THBS3: variants seen among roughly 807,000 people sequenced by gnomAD.
The protein encoded by THBS3 is thrombospondin 3.
A neutral mutation model predicts 118.3 loss-of-function variants in THBS3; 78 were observed. The ratio of observed to expected loss-of-function variants is 0.66; its 90% CI spans 0.55 to 0.80. The LOEUF is 0.80. THBS3 is among the 30% of genes least tolerant of loss of function. The pLI, the probability that THBS3 is intolerant of heterozygous loss-of-function variation, is 0.00. For missense variants in THBS3, 1,057 were observed against 1,247.4 expected (o/e 0.85, Z 2.30); for synonymous variants, 427 against 475.3 (o/e 0.90, Z 1.32).
In THBS3 at chr1:155,203,085, C is replaced by T; in HGVS notation, c.808+1G>A. 6.2e-7 allele frequency: 1 copy of T among 1,614,206 alleles called. No homozygotes were observed. The highest frequency in any genetic ancestry group is 1.1e-5 in the South Asian group (1 of 91,084). On this transcript the variant is annotated splice_donor_variant, in intron 7 of 22. Coordinates refer to ENST00000368378, the MANE Select transcript of THBS3 (RefSeq NM_007112.5). LOFTEE classifies it high-confidence loss of function. The stretch of plus-strand genomic sequence containing the variant: ...GGAGCCTCCCCTGCTCTCCCACTCA[C>T]CGCACACCTGACACTCCATAATGGT...
chr1:155,197,825 G>A lies in THBS3; in HGVS notation c.2302+55C>T. 6.2e-7 allele frequency: 1 copy of A among 1,611,274 alleles called. No homozygotes were observed. The highest frequency in any genetic ancestry group is 8.5e-7 in the Non-Finnish European group (1 of 1,177,688). ...CTGTCTGTTTCCTCCCCTACCCTCTGCCCCTATAGGATTCCTCCATTTGGA... is the reference window on the plus strand; with the variant it reads ...CTGTCTGTTTCCTCCCCTACCCTCTACCCCTATAGGATTCCTCCATTTGGA... On this transcript the variant is annotated intron_variant, in intron 19 of 22. Transcript: ENST00000368378. This position sits in a 1 kb window ranked among gnomAD's most constrained non-coding sequence, Gnocchi z 5.0.
rs990165076 is a variant in THBS3 at position 155,197,371 on chromosome 1, G to C, written c.2499+92C>G. ...TCCAAGCCAGATGTCTGGGTAAGAGGGTTCCCAGTCAAGCAGTGGGGGAGG... is the reference window on the plus strand; with the variant it reads ...TCCAAGCCAGATGTCTGGGTAAGAGCGTTCCCAGTCAAGCAGTGGGGGAGG... On this transcript the variant is annotated intron_variant, in intron 20 of 22. Transcript: ENST00000368378. This position sits in a 1 kb window ranked among gnomAD's most constrained non-coding sequence, Gnocchi z 5.0. 2.0e-6 allele frequency: 3 copies of C among 1,537,648 alleles called. No individual in the cohort carries two copies. Among genetic ancestry groups the C allele is most frequent in the African/African-American group, 2.7e-5 (2 of 73,346 alleles).
At position 155,205,172 on chromosome 1, in the gene THBS3, T is replaced by A. The variant is rs753955880; in HGVS notation, c.431A>T (p.Asp144Val). Reference sequence around the variant, plus strand: ...TGCATGTTGGTCACCCAGTTTGCAGTCCACGTAGAGATGTAGGGCAGGGCT... The same window carrying A: ...TGCATGTTGGTCACCCAGTTTGCAGACCACGTAGAGATGTAGGGCAGGGCT... ...RPSPALHLYV[D>V]CKLGDQHAGL... Residue 144 changes from aspartate (D) to valine (V), a missense_variant, in exon 3 of 23, where the codon GAC (aspartate) becomes GTC (valine). Transcript: ENST00000368378. The A allele has an allele frequency of 1.2e-6, 2 of 1,614,180 alleles. No homozygotes were observed. Among genetic ancestry groups the A allele is most frequent in the Non-Finnish European group, 1.7e-6 (2 of 1,180,034 alleles).
rs759137845 is a variant in THBS3 at position 155,202,946 on chromosome 1, G to A, written c.823C>T (p.Arg275Cys). Residue 275 changes from arginine (R) to cysteine (C), a missense_variant, in exon 8 of 23, where the codon CGT becomes TGT. Arg to Cys is a radical substitution (Grantham distance 180). Around this residue, in one of 3 missense-constraint regions of THBS3, gnomAD observed 544 missense variants for 715.6 expected, o/e 0.76. Coordinates refer to ENST00000368378, the MANE Select transcript of THBS3 (RefSeq NM_007112.5). This position sits in a 1 kb window ranked among gnomAD's most constrained non-coding sequence, Gnocchi z 5.5. ...CAGGGATTGGGGCTGCAGTGGGAAC[G>A]CTGCTCATGGAAGCCTGAGGGGTGG... is the stretch of plus-strand genomic sequence containing the variant. ...ECQVCGFHEQ[R>C]SHCSPNPCFR... is the part of the protein sequence containing the mutation. 38 of 1,613,850 alleles carry A rather than the reference G, an allele frequency of 2.4e-5. No homozygotes were observed. The highest frequency in any genetic ancestry group is 3.0e-5 in the Non-Finnish European group (35 of 1,179,996).
intron 16 of THBS3, 57 bp from the exon 17 acceptor site, chr1:155,198,659 T>G: frequency 6.5e-7 from 1 of 1,544,184 alleles, no homozygotes; most frequent in Non-Finnish European, 8.8e-7. Context: ...TGTCCTTCCC[T>G]TCGCTTCTGC....
At position 155,205,247 on chromosome 1, in the gene THBS3, T is replaced by A; in HGVS notation, c.356A>T (p.Asp119Val). The stretch of plus-strand genomic sequence containing the variant: ...CAGGAGAACTGTGTGTGTGCGCCCA[T>A]CAGCCAGGCCCGCTTGCTGTAGGTT... The part of the protein sequence containing the change: ...AVNLQQAGLA[D>V]GRTHTVLLRL... Residue 119 changes from aspartate to valine, a missense_variant, in exon 3 of 23, where the codon GAT becomes GTT. Transcript: ENST00000368378. The A allele has an allele frequency of 6.2e-7, 1 of 1,614,114 alleles. No individual in the cohort carries two copies. Among genetic ancestry groups the A allele is most frequent in the South Asian group, 1.1e-5 (1 of 91,090 alleles).
chr1:155,200,483 C>T lies in THBS3; in HGVS notation c.1676G>A (p.Gly559Glu). ...DQKDTDGNGE[G>E]DACDNDVDGD... Reference sequence around the variant, plus strand: ...ATCCACGTCGTTGTCACAGGCATCTCCTTCCCCATTGCCATCTGTGTCCTT... The same window carrying T: ...ATCCACGTCGTTGTCACAGGCATCTTCTTCCCCATTGCCATCTGTGTCCTT... Residue 559 changes from glycine (G) to glutamate (E), a missense_variant, in exon 14 of 23, where the codon GGA becomes GAA. Coordinates refer to ENST00000368378, the MANE Select transcript of THBS3 (RefSeq NM_007112.5). 6.2e-7 allele frequency: 1 copy of T among 1,614,200 alleles called. No homozygotes were observed.
chr1:155,205,127 G>A lies in THBS3; in HGVS notation c.476C>T (p.Pro159Leu), dbSNP rs775997960. ...DQHAGLPALA[P>L]IPPAEVDGLE... ...CCCATCGACCTCCGCTGGAGGAATG[G>A]GGGCCAGTGCTGGAAGGCCTGCATG... The change falls in exon 3 of 23, where the codon CCC (proline) becomes CTC (leucine). Residue 159 changes from proline (P) to leucine (L), a missense_variant. Physicochemically the swap from Pro to Leu is moderately conservative, Grantham distance 98 (BLOSUM62 -3). Transcript: ENST00000368378. The A allele has an allele frequency of 5.6e-6, 9 of 1,614,196 alleles. No homozygotes were observed. The highest frequency in any genetic ancestry group is 7.6e-6 in the Non-Finnish European group (9 of 1,180,044).
rs768002418 is a variant in THBS3 at position 155,202,071 on chromosome 1, G to A, written c.1099-37C>T. 5.0e-6 allele frequency: 8 copies of A among 1,613,866 alleles called. No homozygotes were observed. Among genetic ancestry groups the A allele is most frequent in the Non-Finnish European group, 5.1e-6 (6 of 1,180,012 alleles). ...GACTTTGGGTGGAACCAGACCTATG[G>A]TGGGTCTCCTCAGATACAGCAGAGG... On this transcript the variant is annotated intron_variant, in intron 9 of 22. Transcript: ENST00000368378. The surrounding 1 kb of genome is among the most constrained non-coding windows in gnomAD (Gnocchi z 5.5).
Position 155,199,696 on chromosome 1 carries a change from A to G in THBS3, c.1880+108T>C, listed in dbSNP as rs751538902. On this transcript the variant is annotated intron_variant, in intron 16 of 22. Transcript: ENST00000368378. ...CTTGACCCTGGGAGACGGAGGTTGC[A>G]GTGAGCCAAGATCGTGCCACTGTAC... 6.6e-4 allele frequency: 774 copies of G among 1,165,004 alleles called. 1 individual carries two copies. Among genetic ancestry groups the G allele is most frequent in the Non-Finnish European group, 8.1e-4 (654 of 802,466 alleles). The allele number at this position is 1,165,004 out of a possible 1,614,324, so 72.2% of individuals were successfully genotyped here. A position where few individuals can be genotyped will look rare whatever the true frequency, so the allele number is the denominator to read the frequency against.
At position 155,197,689 on chromosome 1, in the gene THBS3, G is replaced by T; in HGVS notation, c.2303-30C>A. 1.9e-6 allele frequency: 3 copies of T among 1,607,920 alleles called. No individual in the cohort carries two copies. The highest frequency in any genetic ancestry group is 2.6e-6 in the Non-Finnish European group (3 of 1,175,034). The stretch of plus-strand genomic sequence containing the variant: ...GGTGGGGGTGGGATAAAGGTCAGGG[G>T]CAGCAAAGCTACTGGCGGCCCATCA... On this transcript the variant is annotated intron_variant, in intron 19 of 22. Coordinates refer to ENST00000368378, the MANE Select transcript of THBS3 (RefSeq NM_007112.5). The surrounding 1 kb of genome is among the most constrained non-coding windows in gnomAD (Gnocchi z 5.0).
chr1:155,207,971 A>C (rs2148043257), upstream of THBS3: 245 of 630,896 alleles, frequency 3.9e-4, no homozygotes, highest in East Asian at 1.3e-3. Context: ...GAGGGACAGA[A>C]TTGGAGGGGG....
In THBS3 at chr1:155,195,978, C is replaced by A; in HGVS notation, c.2812+9G>T. ...GAAGGATTAGGTTGATCTCAATCAG[C>A]CACCTCACCATTGCATCGATACTGG... On this transcript the variant is annotated intron_variant, in intron 22 of 22. Coordinates refer to ENST00000368378, the MANE Select transcript of THBS3 (RefSeq NM_007112.5). 1 of 1,614,208 alleles carries A rather than the reference C, an allele frequency of 6.2e-7. No individual in the cohort carries two copies. Among genetic ancestry groups the A allele is most frequent in the Non-Finnish European group, 8.5e-7 (1 of 1,180,030 alleles).
In THBS3 at chr1:155,206,383, C is replaced by A. The variant is rs1341164748; in HGVS notation, c.103G>T (p.Glu35Ter). ...GCCACAGCTACCATCTGCCGAGACT[C>A]GCCCACAGTCAGCAGGTCAATTACT... ...LQVIDLLTVGESRQMVAVAEK... is the reference protein window; with the variant it reads ...LQVIDLLTVG Residue 35 changes from glutamate to a stop codon, truncating the protein, a stop_gained, in exon 2 of 23, where the codon GAG (glutamate) becomes TAG (stop). Transcript: ENST00000368378. LOFTEE classifies it high-confidence loss of function. The surrounding 1 kb of genome is among the most constrained non-coding windows in gnomAD (Gnocchi z 4.2). The A allele has an allele frequency of 6.2e-7, 1 of 1,614,074 alleles. No homozygotes were observed.
rs758021764 is a variant in THBS3 at position 155,202,370 on chromosome 1, G to A, written c.989C>T (p.Ser330Phe). The part of the protein sequence containing the change: ...CAHADPCFPG[S>F]SCINTMPGFH... ...GCCGGGCATGGTGTTGATGCAGCTG[G>A]AGCCCGGGAAACAGGGGTCAGCGTG... Residue 330 changes from serine (S) to phenylalanine (F), a missense_variant, in exon 9 of 23, where the codon TCC (serine) becomes TTC (phenylalanine). By Grantham distance (155) the Ser-to-Phe change is radical. Coordinates refer to ENST00000368378, the MANE Select transcript of THBS3 (RefSeq NM_007112.5). This position sits in a 1 kb window ranked among gnomAD's most constrained non-coding sequence, Gnocchi z 5.5. The A allele has an allele frequency of 4.3e-6, 7 of 1,614,056 alleles. No homozygotes were observed. The highest frequency in any genetic ancestry group is 5.9e-6 in the Non-Finnish European group (7 of 1,180,020).
At chr1:155,200,815 C>G in intron 13 of THBS3, 82 bp downstream of exon 13, 1 of 1,610,146 alleles carries the variant, frequency 6.2e-7, no homozygotes, top group Non-Finnish European at 8.5e-7. Flanking sequence ...TACTAGAGAG[C>G]TGCCAGATGA....
At chr1:155,200,188 A>T (rs538262105) in intron 14 of THBS3, 75 bp from the exon 15 acceptor site, 1 of 1,356,798 alleles carries the variant, frequency 7.4e-7, no homozygotes, top group African/African-American at 1.5e-5. Context: ...GAAAGTCCCG[A>T]ACTTTGTCTC....
intron 3 of THBS3, 36 bp downstream of exon 3, chr1:155,205,023 CT>C (rs1557875622): frequency 6.2e-7 from 1 of 1,613,140 alleles, no homozygotes; most frequent in East Asian, 2.2e-5. Context: ...GGTGCAAACT[CT>C]ATTTCCACAG....
At chr1:155,203,052 G>C in intron 7 of THBS3, 34 bp downstream of exon 7, 1 of 1,613,804 alleles carries the variant, frequency 6.2e-7, no homozygotes, top group Non-Finnish European at 8.5e-7. Context: ...AACGTGGCAC[G>C]GTCATGTGGA....
Sources: allele counts gnomAD v4.1 joint callset, GRCh38; gene constraint gnomAD v4.1.1; regional missense constraint gnomAD v4.1.1; non-coding constraint Gnocchi (gnomAD v3.1); transcripts MANE v1.5; gene names NCBI Gene and HGNC (gene_info 2026-07-23, HGNC 2026-07-21).